GRM8: variants seen among roughly 807,000 people sequenced by gnomAD.
GRM8 encodes the protein metabotropic glutamate receptor 8.
In GRM8, 47 loss-of-function variants were observed where a neutral mutation model predicts 87.2. The ratio of observed to expected loss-of-function variants is 0.54; its 90% CI spans 0.43 to 0.69. The LOEUF (loss-of-function observed/expected upper bound fraction) is 0.69, where lower values mean the gene tolerates loss of function less well. Among genes scored for constraint, GRM8 ranks in the 30% least tolerant of loss-of-function variants. GRM8 has a pLI of 0.00. For missense variants in GRM8, 1,019 were observed against 1,139.2 expected (o/e 0.89, Z 1.52); for synonymous variants, 396 against 404.5 (o/e 0.98, Z 0.25).
chr7:126,847,084 A>AAAATTGATAGTATCTTTC (rs2130669737), intron 6 of GRM8, among the ~76,000 whole-genome samples: 1 of 152,290 alleles, frequency 6.6e-6, no homozygotes, highest in East Asian at 1.9e-4. Context: ...TAAATAATAT[A>AAAATTGATAGTATCTTTC]AAATTGATAG....
intron 6 of GRM8, among the ~76,000 whole-genome samples, chr7:126,809,552 G>A (rs757782075): frequency 5.1e-4 from 77 of 152,260 alleles, no homozygotes; most frequent in Non-Finnish European, 3.7e-4. Context: ...ACTAGCCTTT[G>A]TAACACTCCC....
At chr7:126,706,483 G>A (rs1317447135) in intron 7 of GRM8, among the ~76,000 whole-genome samples, 1 of 152,084 alleles carries the variant, frequency 6.6e-6, no homozygotes, top group African/African-American at 2.4e-5. Context: ...ATCTTTCCTT[G>A]GAGAAGGTCA....
In GRM8 at chr7:126,904,748, A is replaced by T. The variant is rs1802506697; in HGVS notation, c.728-65T>A. 2.1e-6 allele frequency: 3 copies of T among 1,419,976 alleles called. No individual in the cohort carries two copies. In the Admixed American group the frequency reaches 5.2e-5, roughly 25 times the overall value. 88.0% of individuals were successfully genotyped at this position (1,419,976 alleles called of 1,614,324 possible). A position where few individuals can be genotyped will look rare whatever the true frequency, so the allele number is the denominator to read the frequency against. On this transcript the variant is annotated intron_variant, in intron 3 of 10. Coordinates refer to ENST00000339582, the MANE Select transcript of GRM8 (RefSeq NM_000845.3). ...ATTTATTTAATTAGCAAACCCAATT[A>T]CCTACTTTATAAAAGCACATACTTC...
At chr7:126,830,187 T>C (rs2130389117) in intron 6 of GRM8, among the ~76,000 whole-genome samples, 1 of 152,228 alleles carries the variant, frequency 6.6e-6, no homozygotes, top group South Asian at 2.1e-4. Flanking sequence ...TGTCTTGGAG[T>C]TGCTCTTCTC....
At chr7:126,569,914 A>C (rs890433099) in intron 8 of GRM8, among the ~76,000 whole-genome samples, 2 of 152,164 alleles carry the variant, frequency 1.3e-5, no homozygotes, top group African/African-American at 4.8e-5. Flanking sequence ...AGTCCTTAAA[A>C]ATGCTTGGAG....
intron 3 of GRM8, among the ~76,000 whole-genome samples, chr7:127,059,342 T>TG (rs1414387316): frequency 1.8e-4 from 27 of 149,788 alleles, no homozygotes; most frequent in Admixed American, 8.0e-4. Context: ...TTTTTTTTTT[T>TG]TTTGTTTTTT....
At chr7:126,875,098 A>G (rs1299607680) in intron 6 of GRM8, among the ~76,000 whole-genome samples, 1 of 152,158 alleles carries the variant, frequency 6.6e-6, no homozygotes, top group African/African-American at 2.4e-5. Flanking sequence ...AGTTAGTTTC[A>G]TGACAACTCA....
chr7:126,806,557 G>A (rs533987877), intron 6 of GRM8, among the ~76,000 whole-genome samples: 2 of 152,356 alleles, frequency 1.3e-5, no homozygotes, highest in African/African-American at 4.8e-5. Context: ...CGTTTTGACA[G>A]AGTGCTGATT....
intron 3 of GRM8, among the ~76,000 whole-genome samples, chr7:126,955,562 T>G (rs1260315949): frequency 6.6e-6 from 1 of 152,188 alleles, no homozygotes; most frequent in Non-Finnish European, 1.5e-5. Flanking sequence ...CATAAATGAT[T>G]TATTGTCTTT....
At chr7:127,043,891 GT>G (rs1408243227) in intron 3 of GRM8, among the ~76,000 whole-genome samples, 1 of 152,210 alleles carries the variant, frequency 6.6e-6, no homozygotes, top group Non-Finnish European at 1.5e-5. Flanking sequence ...TGACCAAGAG[GT>G]TTCTAGAGAT....
At chr7:126,476,752 G>T (rs1805957647) in intron 9 of GRM8, among the ~76,000 whole-genome samples, 1 of 151,904 alleles carries the variant, frequency 6.6e-6, no homozygotes, top group East Asian at 1.9e-4. Context: ...AACAAATGTT[G>T]ACAAGGATGG....
At chr7:126,824,207 C>T (rs1177222483) in intron 6 of GRM8, among the ~76,000 whole-genome samples, 1 of 152,002 alleles carries the variant, frequency 6.6e-6, no homozygotes, top group Non-Finnish European at 1.5e-5. Context: ...TTCAATTAGT[C>T]ATTTCATGTT....
At chr7:127,134,935 G>GA (rs1364162384) in intron 2 of GRM8, among the ~76,000 whole-genome samples, 1 of 152,024 alleles carries the variant, frequency 6.6e-6, no homozygotes, top group Admixed American at 6.6e-5. Context: ...TTTTAAAAAT[G>GA]TATTAAACAC....
At position 127,129,674 on chromosome 7, in the gene GRM8, A is replaced by C. The variant is rs532724377; in HGVS notation, c.511-22962T>G. On this transcript the variant is annotated intron_variant, in intron 2 of 10. Transcript: ENST00000339582. ...CTAAACCAATGAGAAAAATCAATCC[A>C]AAAGACTGACCTTGGCAGCCCAATC... Among the ~76,000 whole-genome samples the C allele has an allele frequency of 6.6e-5, 10 of 152,262 alleles. No individual in the cohort carries two copies. The South Asian group carries it at 2.1e-3, about 32-fold the overall frequency.
intron 3 of GRM8, among the ~76,000 whole-genome samples, chr7:126,928,616 G>T (rs1805402414): frequency 6.7e-6 from 1 of 150,068 alleles, no homozygotes; most frequent in Non-Finnish European, 1.5e-5. Flanking sequence ...AGGCTGCAGT[G>T]AGCCAAGGTC....
chr7:126,992,725 A>G (rs1317464523), intron 3 of GRM8, among the ~76,000 whole-genome samples: 1 of 152,164 alleles, frequency 6.6e-6, no homozygotes, highest in Non-Finnish European at 1.5e-5. Context: ...TTAGGTTTAC[A>G]TGAGGCCATG....
intron 6 of GRM8, among the ~76,000 whole-genome samples, chr7:126,801,709 G>A (rs1666093793): frequency 6.6e-6 from 1 of 152,148 alleles, no homozygotes; most frequent in Non-Finnish European, 1.5e-5. Context: ...GAGAGAGTCA[G>A]CAAACAAAAT....
intron 9 of GRM8, among the ~76,000 whole-genome samples, chr7:126,457,077 C>A (rs7801164): frequency 2.7e-5 from 4 of 150,798 alleles, no homozygotes; most frequent in Non-Finnish European, 5.9e-5. Context: ...GTGTGTGTGC[C>A]TGTGTGTGTG....
At chr7:127,046,544 C>T (rs1270062606) in intron 3 of GRM8, among the ~76,000 whole-genome samples, 1 of 152,066 alleles carries the variant, frequency 6.6e-6, no homozygotes, top group Non-Finnish European at 1.5e-5. Flanking sequence ...ATAGTGCTAC[C>T]TAATAAAGTT....
Sources: allele counts gnomAD v4.1 joint callset (sites outside exome capture counted in the v4.1 genomes callset), GRCh38; gene constraint gnomAD v4.1.1; transcripts MANE v1.5; gene names NCBI Gene and HGNC (gene_info 2026-07-23, HGNC 2026-07-21).